CFTR: variants seen among roughly 807,000 people sequenced by gnomAD.
CFTR encodes the protein CF transmembrane conductance regulator, also known as cystic fibrosis transmembrane conductance regulator.
CFTR carries 181 observed loss-of-function variants against 171.6 expected under a neutral mutation model. That is an observed-to-expected ratio of 1.05 (90% CI 0.93 to 1.19). CFTR has a LOEUF of 1.19. CFTR is among the 50% of genes most tolerant of loss of function. CFTR has a pLI of 0.00. For missense variants in CFTR, 1,968 were observed against 1,734.7 expected (o/e 1.13, Z -2.39); for synonymous variants, 583 against 608.0 (o/e 0.96, Z 0.60).
intron 11 of CFTR, among the ~76,000 whole-genome samples, chr7:117,565,207 C>A (rs1348334185): frequency 6.6e-6 from 1 of 152,180 alleles, no homozygotes; most frequent in Non-Finnish European, 1.5e-5. Flanking sequence ...TTGTAAACAG[C>A]ACTGGAGACT....
At position 117,652,936 on chromosome 7, in the gene CFTR, G is replaced by C. The variant is rs1267260655; in HGVS notation, c.3963+5G>C. 2.6e-6 allele frequency: 4 copies of C among 1,563,902 alleles called. No individual in the cohort carries two copies. Among genetic ancestry groups the C allele is most frequent in the Admixed American group, 3.3e-5 (2 of 59,874 alleles). On this transcript the variant is annotated splice_donor_5th_base_variant and intron_variant, in intron 24 of 26. Coordinates refer to ENST00000003084, the MANE Select transcript of CFTR (RefSeq NM_000492.4). ...ATATGGAAAGTTGCAGATGAGGTAA[G>C]GCTGCTAACTGAAATGATTTTGAAA... is the stretch of plus-strand genomic sequence containing the variant.
At chr7:117,488,331 A>C (rs1472719156) in intron 1 of CFTR, among the ~76,000 whole-genome samples, 1 of 152,128 alleles carries the variant, frequency 6.6e-6, no homozygotes, top group African/African-American at 2.4e-5. Context: ...TTAAAATAAA[A>C]TCTAGAAAAA....
rs369225982 is a variant in CFTR, at chr7:117,631,899, G to A, written c.3717+4129G>A. 2.6e-5 allele frequency among the ~76,000 whole-genome samples: 4 copies of A among 152,200 alleles called. No individual in the cohort carries two copies. Among genetic ancestry groups the A allele is most frequent in the East Asian group, 3.9e-4 (2 of 5,188 alleles). On this transcript the variant is annotated intron_variant, in intron 22 of 26. Transcript: ENST00000003084. ...TGGGCTTGCCATTGGCATTTGAAGT[G>A]TGTTGGGAGGCAGTCTTACAGGAAT...
intron 22 of CFTR, among the ~76,000 whole-genome samples, chr7:117,640,031 C>T (rs1164423417): frequency 1.3e-5 from 2 of 152,114 alleles, no homozygotes; most frequent in Non-Finnish European, 1.5e-5. Flanking sequence ...CCAAATTCAA[C>T]ACTGTTTAAC....
chr7:117,496,206 C>CT (rs2116624758), intron 1 of CFTR, among the ~76,000 whole-genome samples: 1 of 151,928 alleles, frequency 6.6e-6, no homozygotes, highest in Admixed American at 6.6e-5. Flanking sequence ...GTGCATCATT[C>CT]TTTTTTATTT....
chr7:117,615,116 G>GAA (rs1584824482), intron 21 of CFTR, among the ~76,000 whole-genome samples: 2 of 152,146 alleles, frequency 1.3e-5, no homozygotes, highest in East Asian at 1.9e-4. Flanking sequence ...AACAACACTT[G>GAA]GTGTCTGGTA....
At chr7:117,492,664 C>T (rs1798177575) in intron 1 of CFTR, among the ~76,000 whole-genome samples, 1 of 151,932 alleles carries the variant, frequency 6.6e-6, no homozygotes, top group Admixed American at 6.6e-5. Flanking sequence ...AAAAAAAACA[C>T]AAGATCTATA....
At chr7:117,539,469 ATT>A (rs1799011884) in intron 7 of CFTR, among the ~76,000 whole-genome samples, 5 of 151,670 alleles carry the variant, frequency 3.3e-5, no homozygotes, top group African/African-American at 1.2e-4. Context: ...ACTGAGACTC[ATT>A]CAGTCAGTAT....
At chr7:117,664,615 G>T in intron 24 of CFTR, 73 bp from the exon 25 acceptor site, 1 of 1,387,998 alleles carries the variant, frequency 7.2e-7, no homozygotes. Context: ...GAACTCCTGT[G>T]TTTATTTTTA....
At chr7:117,506,623 C>T (rs886230107) in intron 2 of CFTR, among the ~76,000 whole-genome samples, 2 of 152,156 alleles carry the variant, frequency 1.3e-5, no homozygotes, top group African/African-American at 2.4e-5. Flanking sequence ...AAATGTGATA[C>T]ATTTGTATTT....
chr7:117,511,554 T>C (rs1259365953), intron 3 of CFTR, among the ~76,000 whole-genome samples: 1 of 152,160 alleles, frequency 6.6e-6, no homozygotes, highest in East Asian at 1.9e-4. Flanking sequence ...CTCCTACTGA[T>C]AACCAATGGA....
intron 11 of CFTR, among the ~76,000 whole-genome samples, chr7:117,572,991 A>G (rs1015181773): frequency 2.6e-5 from 4 of 152,068 alleles, no homozygotes; most frequent in Admixed American, 2.6e-4. Flanking sequence ...TACTCAGTAA[A>G]TATTGCAAAA....
In CFTR at chr7:117,628,928, G is replaced by A. The variant is rs1792696358; in HGVS notation, c.3717+1158G>A. Among the ~76,000 whole-genome samples, 5 of 151,976 alleles carry A rather than the reference G, an allele frequency of 3.3e-5. No homozygotes were observed. The South Asian group carries it at 1.0e-3, about 32-fold the overall frequency. ...ATTATTATAAACAATAGCCAGAATAGGTTGGTATAAACCTGGTAGAAAGCC... is the reference window on the plus strand; with the variant it reads ...ATTATTATAAACAATAGCCAGAATAAGTTGGTATAAACCTGGTAGAAAGCC... On this transcript the variant is annotated intron_variant, in intron 22 of 26. Coordinates refer to ENST00000003084, the MANE Select transcript of CFTR (RefSeq NM_000492.4).
At chr7:117,570,617 C>T (rs371656493) in intron 11 of CFTR, among the ~76,000 whole-genome samples, 1 of 152,062 alleles carries the variant, frequency 6.6e-6, no homozygotes, top group Non-Finnish European at 1.5e-5. Context: ...TTGGTGGGAC[C>T]AGCAATACAA....
chr7:117,556,471 G>T lies in CFTR; in HGVS notation c.1393-2993G>T, dbSNP rs115880565. Among the ~76,000 whole-genome samples, 862 of 150,334 alleles carry T rather than the reference G, an allele frequency of 5.7e-3. 2 individuals are homozygous for T. Among genetic ancestry groups the T allele is most frequent in the Middle Eastern group, 0.028 (8 of 288 alleles). Reference sequence around the variant, plus strand: ...CCTGTTTTGAATTTTTTTTCCAAGCGGTCCCTTATGAGTTTTCTCTATGTT... The same window carrying T: ...CCTGTTTTGAATTTTTTTTCCAAGCTGTCCCTTATGAGTTTTCTCTATGTT... On this transcript the variant is annotated intron_variant, in intron 10 of 26. Transcript: ENST00000003084.
At chr7:117,587,183 C>T (rs1387716769) in intron 11 of CFTR, among the ~76,000 whole-genome samples, 1 of 151,816 alleles carries the variant, frequency 6.6e-6, no homozygotes, top group Non-Finnish European at 1.5e-5. Context: ...TGAGGATGGA[C>T]GAGGAAGAAA....
chr7:117,576,109 T>G (rs1363842236), intron 11 of CFTR, among the ~76,000 whole-genome samples: 1 of 152,134 alleles, frequency 6.6e-6, no homozygotes, highest in Non-Finnish European at 1.5e-5. Flanking sequence ...TGTTTTTCAT[T>G]GGAAAGCCAT....
intron 22 of CFTR, among the ~76,000 whole-genome samples, chr7:117,641,077 A>T (rs1792904158): frequency 6.6e-6 from 1 of 152,164 alleles, no homozygotes; most frequent in South Asian, 2.1e-4. Flanking sequence ...TGTACTTAAC[A>T]TTTGATTGAT....
chr7:117,660,162 T>A (rs1015014011), intron 24 of CFTR, among the ~76,000 whole-genome samples: 1 of 152,160 alleles, frequency 6.6e-6, no homozygotes, highest in East Asian at 1.9e-4. Flanking sequence ...GTTCTTTATA[T>A]CTACAAACTG....
Sources: gnomAD v4.1 joint callset for allele counts (sites outside exome capture counted in the v4.1 genomes callset) on GRCh38, gnomAD v4.1.1 for gene constraint, MANE v1.5 for transcripts, NCBI Gene and HGNC (gene_info 2026-07-23, HGNC 2026-07-21) for gene names.